Variants in ANKRD37 observed in about 807,000 individuals in gnomAD.
ANKRD37 encodes ankyrin repeat domain-containing protein 37.
In ANKRD37, 17 loss-of-function variants were observed where a neutral mutation model predicts 19.7. The ratio of observed to expected loss-of-function variants is 0.86; its 90% confidence interval spans 0.59 to 1.29. ANKRD37 has a LOEUF of 1.29. Ranked by LOEUF, ANKRD37 falls within the 50% of genes most tolerant of loss-of-function variation. The probability of loss-of-function intolerance (pLI) is 0.00; values close to 1 mark genes in which losing one functional copy is unlikely to be tolerated. For synonymous variants in ANKRD37, 79 were observed against 74.5 expected (o/e 1.06, Z -0.31); for missense variants, 207 against 190.4 (o/e 1.09, Z -0.51).
chr4:185,399,426 C>T (rs2095510361), intron 3 of ANKRD37, 144 bp from the exon 4 acceptor site: 2 of 808,116 alleles, frequency 2.5e-6, no homozygotes, highest in Non-Finnish European at 3.9e-6. Context: ...ACAATAGTGA[C>T]CAAAAATGCA....
Position 185,396,876 on chromosome 4 carries a change from C to T in ANKRD37, c.-48C>T. ...ACCTGTCGGGGTGCGGCGAGTGTCT[C>T]ACCTCTCTGCACTTCCAAGGACTCT... On this transcript the variant is annotated 5_prime_UTR_variant, in exon 1 of 5. Coordinates refer to ENST00000335174, the MANE Select transcript of ANKRD37 (RefSeq NM_181726.4). 6 of 1,605,598 alleles carry T rather than the reference C, an allele frequency of 3.7e-6. No homozygotes were observed. The highest frequency in any genetic ancestry group is 5.1e-6 in the Non-Finnish European group (6 of 1,174,868).
rs1327968308 is a variant in ANKRD37 at position 185,397,226 on chromosome 4, T to A, written c.104T>A (p.Val35Asp). ...APPDPCKQSP[V>D]HLAAGSGLAC... ...CCGGATCCCTGCAAGCAGTCGCCTG[T>A]CCACTTAGCCGCAGGAAGCGGCCTT... Residue 35 changes from valine (V) to aspartate (D), a missense_variant, in exon 2 of 5, where the codon GTC becomes GAC. Physicochemically the swap from Val to Asp is radical, Grantham distance 152. Transcript: ENST00000335174. The A allele has an allele frequency of 6.2e-7, 1 of 1,614,128 alleles. No individual in the cohort carries two copies. The highest frequency in any genetic ancestry group is 8.5e-7 in the Non-Finnish European group (1 of 1,180,024).
At chr4:185,398,810 A>T in intron 2 of ANKRD37, 127 bp from the exon 3 acceptor site, 1 of 520,256 alleles carries the variant, frequency 1.9e-6, no homozygotes, top group East Asian at 3.4e-5. Context: ...AAAAAAAAAA[A>T]AAAATTCCCT....
In ANKRD37 at chr4:185,399,162, T is replaced by G. The variant is rs529308404; in HGVS notation, c.272+134T>G. ...TAATTTAGTGTTAATCATTTAAATG[T>G]TAACTTAGGTTGTTGGTGCTATCGA... On this transcript the variant is annotated intron_variant, in intron 3 of 4. Coordinates refer to ENST00000335174, the MANE Select transcript of ANKRD37 (RefSeq NM_181726.4). 27 of 792,466 alleles carry G rather than the reference T, an allele frequency of 3.4e-5. No homozygotes were observed. The South Asian group carries it at 4.4e-4, about 13-fold the overall frequency. The allele number at this position is 792,466 out of a possible 1,614,324, so 49.1% of individuals were successfully genotyped here. A position where few individuals can be genotyped will look rare whatever the true frequency, so the allele number is the denominator to read the frequency against.
intron 1 of ANKRD37, 76 bp from the exon 2 acceptor site, chr4:185,397,074 G>C: frequency 6.2e-7 from 1 of 1,609,130 alleles, no homozygotes; most frequent in Non-Finnish European, 8.5e-7. Context: ...TGTGAAGGGC[G>C]GGGAGGTTTC....
intron 3 of ANKRD37, 41 bp from the exon 4 acceptor site, chr4:185,399,529 G>A: frequency 1.2e-6 from 2 of 1,602,106 alleles, no homozygotes; most frequent in Non-Finnish European, 1.7e-6. Context: ...AAAGACTTAA[G>A]TTCAATGTTT....
At chr4:185,398,876 C>G in intron 2 of ANKRD37, 61 bp from the exon 3 acceptor site, 1 of 1,219,730 alleles carries the variant, frequency 8.2e-7, no homozygotes, top group Non-Finnish European at 1.2e-6. Context: ...TTAAATGTCA[C>G]TCATCAACTT....
chr4:185,397,436 C>A (rs1452057941), intron 2 of ANKRD37, 134 bp downstream of exon 2: 7 of 1,189,948 alleles, frequency 5.9e-6, no homozygotes, highest in East Asian at 5.2e-5. Context: ...AAATATAATG[C>A]AAGACACAGA....
chr4:185,399,852 C>T, intron 4 of ANKRD37, 79 bp downstream of exon 4: 1 of 1,580,670 alleles, frequency 6.3e-7, no homozygotes, highest in East Asian at 2.3e-5. Flanking sequence ...CCATTTAATA[C>T]TGACACTCGT....
intron 4 of ANKRD37, 75 bp from the exon 5 acceptor site, chr4:185,399,942 A>T: frequency 6.4e-7 from 1 of 1,567,204 alleles, no homozygotes; most frequent in Non-Finnish European, 8.6e-7. Flanking sequence ...CAAAAATGGG[A>T]CTGCATGGTG....
chr4:185,397,570 A>G (rs2095506605), intron 2 of ANKRD37: 3 of 433,502 alleles, frequency 6.9e-6, no homozygotes, highest in African/African-American at 6.1e-5. Context: ...CCAAAATGTT[A>G]TCAGTTCAAT....
intron 1 of ANKRD37, 75 bp from the exon 2 acceptor site, chr4:185,397,075 G>A (rs1580033485): frequency 1.2e-6 from 2 of 1,609,968 alleles, no homozygotes; most frequent in East Asian, 4.5e-5. Context: ...GTGAAGGGCG[G>A]GGAGGTTTCC....
At chr4:185,398,138 A>T (rs1468666230) in intron 2 of ANKRD37, among the ~76,000 whole-genome samples, 1 of 151,958 alleles carries the variant, frequency 6.6e-6, no homozygotes, top group African/African-American at 2.4e-5. Flanking sequence ...GTGTATTTTT[A>T]GTAGAGACAG....
In ANKRD37 at chr4:185,400,031, A is replaced by C. The variant is rs1363818645; in HGVS notation, c.*14A>C. On this transcript the variant is annotated 3_prime_UTR_variant, in exon 5 of 5. Coordinates refer to ENST00000335174, the MANE Select transcript of ANKRD37 (RefSeq NM_181726.4). The stretch of plus-strand genomic sequence containing the variant: ...TTTAAAAACAGATGTCACGTGGGTT[A>C]TGAAGAAGTCTGAAGAACGCCTTCA... 1 of 1,596,878 alleles carries C rather than the reference A, an allele frequency of 6.3e-7. No homozygotes were observed. The highest frequency in any genetic ancestry group is 8.5e-7 in the Non-Finnish European group (1 of 1,171,568).
Position 185,397,200 on chromosome 4 carries a change from C to T in ANKRD37, c.78C>T (p.Pro26=). 3.1e-6 allele frequency: 5 copies of T among 1,613,988 alleles called. No homozygotes were observed. Among genetic ancestry groups the T allele is most frequent in the Non-Finnish European group, 4.2e-6 (5 of 1,180,026 alleles). ...AGACAGGGGCCTCGGTCAACGCACCCCCGGATCCCTGCAAGCAGTCGCCTG... is the reference window on the plus strand; with the variant it reads ...AGACAGGGGCCTCGGTCAACGCACCTCCGGATCCCTGCAAGCAGTCGCCTG... ...LLETGASVNA[P]PDPCKQSPVH... Residue 26 remains proline (P), a synonymous_variant, in exon 2 of 5, where the codon CCC becomes CCT. Coordinates refer to ENST00000335174, the MANE Select transcript of ANKRD37 (RefSeq NM_181726.4).
chr4:185,398,065 C>G (rs768922864), intron 2 of ANKRD37, among the ~76,000 whole-genome samples: 5 of 152,230 alleles, frequency 3.3e-5, no homozygotes, highest in Non-Finnish European at 7.3e-5. Flanking sequence ...TCAAGAGATT[C>G]TCCTGCCTCA....
intron 3 of ANKRD37, 108 bp downstream of exon 3, chr4:185,399,136 A>T: frequency 1.1e-6 from 1 of 918,872 alleles, no homozygotes; most frequent in Non-Finnish European, 1.7e-6. Flanking sequence ...TGCGTAATTG[A>T]TAATTTAGTG....
At chr4:185,398,530 T>C (rs1482542408) in intron 2 of ANKRD37, among the ~76,000 whole-genome samples, 1 of 152,184 alleles carries the variant, frequency 6.6e-6, no homozygotes, top group Non-Finnish European at 1.5e-5. Context: ...AATGATCATT[T>C]CAGAGCGTAT....
At chr4:185,400,262 T>G, downstream of ANKRD37, 2 of 820,176 alleles carry the variant, frequency 2.4e-6, no homozygotes, top group South Asian at 3.7e-5. Flanking sequence ...GTGCAGTATT[T>G]ACAACCTTTG....
Sources: allele counts gnomAD v4.1 joint callset (sites outside exome capture counted in the v4.1 genomes callset), GRCh38; gene constraint gnomAD v4.1.1; transcripts MANE v1.5; gene names NCBI Gene and HGNC (gene_info 2026-07-23, HGNC 2026-07-21).